The following SMAD3 variants were observed in gnomAD, a reference collection of about 807,000 sequenced individuals.
SMAD3 encodes MAD homolog 3.
In SMAD3, 12 loss-of-function variants were observed where a neutral mutation model predicts 51.8. The ratio of observed to expected loss-of-function variants is 0.23; its 90% CI spans 0.15 to 0.38. SMAD3 has a LOEUF of 0.38. Ranked by LOEUF, SMAD3 falls within the 10% of genes least tolerant of loss-of-function variation. SMAD3 has a pLI of 1.00. For missense variants in SMAD3, 294 were observed against 565.6 expected, an observed-to-expected ratio of 0.52 and a Z score of 4.87; for synonymous variants, 238 against 227.7, an observed-to-expected ratio of 1.05 and a Z score of -0.41.
chr15:67,156,925 A>G (rs141479283), intron 1 of SMAD3, among the ~76,000 whole-genome samples: 119 of 152,328 alleles, frequency 7.8e-4, no homozygotes, highest in Middle Eastern at 3.4e-3. Context: ...ATGCAAGTCA[A>G]TAGTCTACCC....
intron 1 of SMAD3, among the ~76,000 whole-genome samples, chr15:67,142,364 G>A (rs1025312594): frequency 6.6e-5 from 10 of 152,156 alleles, no homozygotes; most frequent in Admixed American, 1.3e-4. Context: ...ACTCAACCCC[G>A]GGGCTTTGTT....
In SMAD3 at chr15:67,180,248, A is replaced by G. The variant is rs76580234; in HGVS notation, c.659-993A>G. On this transcript the variant is annotated intron_variant, in intron 5 of 8. Transcript: ENST00000327367. ...GAGTGGGAATTCCGAGGGCCCGGCC[A>G]AGGGCTGAGAGAATGGGCCTGGAGA... 9.1e-3 allele frequency among the ~76,000 whole-genome samples: 1,382 copies of G among 152,128 alleles called. 11 individuals are homozygous for G. Among genetic ancestry groups the G allele is most frequent in the Non-Finnish European group, 0.014 (925 of 67,976 alleles).
intron 6 of SMAD3, 65 bp from the exon 7 acceptor site, chr15:67,184,662 G>T (rs1963172172): frequency 6.3e-7 from 1 of 1,585,110 alleles, no homozygotes. Context: ...GCGAGCCTCA[G>T]GTGGCCCCAG....
chr15:67,166,303 C>A, intron 3 of SMAD3: 1 of 340,158 alleles, frequency 2.9e-6, no homozygotes, highest in Non-Finnish European at 4.6e-6. Flanking sequence ...ATTGAACTTG[C>A]AACCTAACTG....
At chr15:67,164,653 C>CGG (rs1182924342) in intron 1 of SMAD3, among the ~76,000 whole-genome samples, 1 of 152,182 alleles carries the variant, frequency 6.6e-6, no homozygotes, top group Non-Finnish European at 1.5e-5. Flanking sequence ...GGGAACCCAC[C>CGG]GGGGACTGGT....
In SMAD3 at chr15:67,138,467, G is replaced by C. The variant is rs912941858; in HGVS notation, c.207-26428G>C. The C allele has an allele frequency of 2.2e-4, 46 of 212,302 alleles. 1 individual carries two copies. Among genetic ancestry groups the C allele is most frequent in the East Asian group, 1.2e-3 (11 of 9,262 alleles). 13.2% of individuals were successfully genotyped at this position (212,302 alleles called of 1,614,324 possible). A position where few individuals can be genotyped will look rare whatever the true frequency, so the allele number is the denominator to read the frequency against. ...AGCTATTTGTTCCTTTCCAGTCATC[G>C]CTGTACTGAGCGGTTCCCTGGGACA... On this transcript the variant is annotated intron_variant, in intron 1 of 8. Transcript: ENST00000327367.
intron 7 of SMAD3, among the ~76,000 whole-genome samples, chr15:67,186,410 G>C (rs1216487892): frequency 6.6e-6 from 1 of 152,204 alleles, no homozygotes; most frequent in East Asian, 1.9e-4. Flanking sequence ...CTCATAGAAT[G>C]TCAGAGCTGG....
At chr15:67,168,428 G>GT (rs1234670632) in intron 4 of SMAD3, among the ~76,000 whole-genome samples, 2 of 152,244 alleles carry the variant, frequency 1.3e-5, no homozygotes, top group African/African-American at 4.8e-5. Flanking sequence ...CCGATGCCAA[G>GT]TGACCGCTGC....
At chr15:67,151,388 A>C (rs977065961) in intron 1 of SMAD3, among the ~76,000 whole-genome samples, 6 of 151,966 alleles carry the variant, frequency 3.9e-5, no homozygotes, top group African/African-American at 1.2e-4. Context: ...GCTGGAGTGC[A>C]GTGGCACAAT....
intron 1 of SMAD3, among the ~76,000 whole-genome samples, chr15:67,078,531 T>A (rs1335098177): frequency 6.6e-6 from 1 of 152,234 alleles, no homozygotes; most frequent in Non-Finnish European, 1.5e-5. Flanking sequence ...TAAAACAGCA[T>A]GTTTAAATCA....
chr15:67,134,006 T>C (rs909332217), intron 1 of SMAD3, among the ~76,000 whole-genome samples: 2 of 152,110 alleles, frequency 1.3e-5, no homozygotes, highest in African/African-American at 2.4e-5. Flanking sequence ...GCACTTGAGA[T>C]ATTTTCACGT....
intron 1 of SMAD3, among the ~76,000 whole-genome samples, chr15:67,081,112 G>T (rs1030393957): frequency 1.3e-5 from 2 of 152,198 alleles, no homozygotes; most frequent in Admixed American, 6.5e-5. Context: ...ATACTACAGT[G>T]CCCCTGTCGT....
intron 1 of SMAD3, among the ~76,000 whole-genome samples, chr15:67,103,905 C>T (rs536647967): frequency 1.1e-4 from 16 of 152,114 alleles, no homozygotes; most frequent in Admixed American, 3.9e-4. Context: ...GGCTATTTGC[C>T]GTATTGAAGG....
chr15:67,131,406 G>A (rs566247749), intron 1 of SMAD3, among the ~76,000 whole-genome samples: 22 of 152,328 alleles, frequency 1.4e-4, no homozygotes, highest in African/African-American at 5.1e-4. Context: ...GCCAGGCATC[G>A]AGCTGTGTTC....
chr15:67,106,185 C>T (rs143649739), intron 1 of SMAD3, among the ~76,000 whole-genome samples: 17 of 152,292 alleles, frequency 1.1e-4, no homozygotes, highest in East Asian at 3.9e-4. Flanking sequence ...CATTCTCCAC[C>T]GGCAGCCAGC....
At chr15:67,132,713 A>T (rs1482991627) in intron 1 of SMAD3, among the ~76,000 whole-genome samples, 1 of 152,226 alleles carries the variant, frequency 6.6e-6, no homozygotes, top group African/African-American at 2.4e-5. Context: ...GAACTGTTGC[A>T]TGAATTGAAT....
intron 1 of SMAD3, chr15:67,099,026 T>G (rs1259183790): frequency 1.5e-6 from 1 of 686,688 alleles, no homozygotes; most frequent in Non-Finnish European, 2.6e-6. Flanking sequence ...ATCAACTCTG[T>G]GAGTACCCAT....
intron 8 of SMAD3, 94 bp from the exon 9 acceptor site, chr15:67,190,319 G>A (rs988870633): frequency 8.4e-7 from 1 of 1,188,564 alleles, no homozygotes. Context: ...TTGGGAAGAT[G>A]ACTGTCACCA....
intron 8 of SMAD3, 92 bp downstream of exon 8, chr15:67,187,601 C>G: frequency 6.7e-7 from 1 of 1,503,546 alleles, no homozygotes; most frequent in Non-Finnish European, 9.3e-7. Context: ...TGAGCTAGGC[C>G]AGCCCTAGCG....
Sources: gnomAD v4.1 joint callset for allele counts (sites outside exome capture counted in the v4.1 genomes callset) on GRCh38, gnomAD v4.1.1 for gene constraint, MANE v1.5 for transcripts, NCBI Gene and HGNC (gene_info 2026-07-23, HGNC 2026-07-21) for gene names.